Variants in GALNT14 observed in about 807,000 individuals in gnomAD.
GALNT14 encodes polypeptide N-acetylgalactosaminyltransferase 14.
Under a neutral mutation model 77.5 loss-of-function variants are expected in GALNT14, and 60 were observed. That is an observed-to-expected ratio of 0.77 (90% CI 0.63 to 0.96). The LOEUF (loss-of-function observed/expected upper bound fraction) is 0.96, where lower values mean the gene tolerates loss of function less well. Among genes scored for constraint, GALNT14 ranks in the 40% least tolerant of loss-of-function variants. The probability of loss-of-function intolerance (pLI) is 0.00; values close to 1 mark genes in which losing one functional copy is unlikely to be tolerated. For missense variants in GALNT14, 710 were observed against 731.0 expected, an observed-to-expected ratio of 0.97 and a Z score of 0.33; for synonymous variants, 280 against 281.7, an observed-to-expected ratio of 0.99 and a Z score of 0.06.
intron 1 of GALNT14, chr2:31,078,883 AG>A (rs1371843509): frequency 3.1e-6 from 4 of 1,285,590 alleles, no homozygotes; most frequent in Non-Finnish European, 4.1e-6. Context: ...AGGGCAAAGC[AG>A]GGTTTGGGGA....
chr2:31,000,727 G>A (rs4952022), intron 1 of GALNT14, among the ~76,000 whole-genome samples: 44,700 of 151,982 alleles, frequency 0.29, 6,849 homozygotes, highest in Admixed American at 0.37. Flanking sequence ...CCTGCTTTAC[G>A]CAAAGTCTGC....
chr2:31,035,569 ATG>A (rs1168590695), intron 1 of GALNT14, among the ~76,000 whole-genome samples: 25 of 128,184 alleles, frequency 2.0e-4, no homozygotes, highest in South Asian at 1.0e-3. Flanking sequence ...GTGTGTGTGT[ATG>A]TGTGTGTGTG....
chr2:31,018,556 C>A (rs1375086839), intron 1 of GALNT14, among the ~76,000 whole-genome samples: 1 of 152,208 alleles, frequency 6.6e-6, no homozygotes, highest in Admixed American at 6.5e-5. Flanking sequence ...CCCATCAGGT[C>A]TCTCCCTTGA....
intron 1 of GALNT14, among the ~76,000 whole-genome samples, chr2:31,011,877 G>T (rs972853924): frequency 6.6e-6 from 1 of 152,152 alleles, no homozygotes; most frequent in African/African-American, 2.4e-5. Flanking sequence ...TGGACGTGCC[G>T]CCTGGCTCTG....
intron 2 of GALNT14, among the ~76,000 whole-genome samples, chr2:30,980,352 G>A (rs929189650): frequency 1.3e-5 from 2 of 152,224 alleles, no homozygotes; most frequent in African/African-American, 4.8e-5. Context: ...ACTGTTGCTG[G>A]TCCTGATGCC....
At chr2:30,956,078 C>T in intron 4 of GALNT14, 101 bp from the exon 5 acceptor site, 1 of 1,135,454 alleles carries the variant, frequency 8.8e-7, no homozygotes, top group Non-Finnish European at 1.3e-6. Context: ...GTGAGGCAGC[C>T]CTGTCCACTG....
intron 1 of GALNT14, among the ~76,000 whole-genome samples, chr2:31,092,201 C>G (rs758346087): frequency 1.6e-4 from 24 of 152,002 alleles, no homozygotes; most frequent in Non-Finnish European, 3.1e-4. Context: ...AGCTTGCAGA[C>G]AGTCTATTGT....
intron 12 of GALNT14, 75 bp from the exon 13 acceptor site, chr2:30,924,338 G>C (rs1665223329): frequency 6.6e-7 from 1 of 1,513,632 alleles, no homozygotes. Context: ...GGAGAGGGTG[G>C]GCAGTGTTCT....
intron 6 of GALNT14, among the ~76,000 whole-genome samples, chr2:30,952,588 T>C (rs1430540531): frequency 5.5e-5 from 7 of 126,336 alleles, no homozygotes; most frequent in East Asian, 2.5e-4. Flanking sequence ...GGAAGGGGAA[T>C]ATCACACTCT....
At chr2:30,906,048 G>T (rs1664134260), downstream of GALNT14, among the ~76,000 whole-genome samples, 1 of 150,362 alleles carries the variant, frequency 6.7e-6, no homozygotes, top group Non-Finnish European at 1.5e-5. Context: ...CCCTAAAAGA[G>T]CTCCTGAAGG....
At chr2:30,966,144 G>T in intron 3 of GALNT14, 60 bp downstream of exon 3, 2 of 1,353,036 alleles carry the variant, frequency 1.5e-6, no homozygotes, top group South Asian at 1.2e-5. Flanking sequence ...CTGGGGAGCA[G>T]ACACACTGTC....
chr2:30,936,397 T>G (rs1315151790), intron 9 of GALNT14, among the ~76,000 whole-genome samples: 1 of 152,178 alleles, frequency 6.6e-6, no homozygotes, highest in Non-Finnish European at 1.5e-5. Flanking sequence ...TAATTTCATT[T>G]TATAGCCTGG....
At chr2:31,060,120 A>G (rs1674496845) in intron 1 of GALNT14, among the ~76,000 whole-genome samples, 1 of 152,182 alleles carries the variant, frequency 6.6e-6, no homozygotes, top group African/African-American at 2.4e-5. Context: ...AGGTGAAGAG[A>G]CCAAAGGCAG....
rs936286484 is a variant in GALNT14 at position 30,950,918 on chromosome 2, C to A, written c.654+4700G>T. 2.6e-5 allele frequency among the ~76,000 whole-genome samples: 4 copies of A among 152,170 alleles called. No homozygotes were observed. In the East Asian group the frequency reaches 5.8e-4, roughly 22 times the overall value. Reference sequence around the variant, plus strand: ...GGTTTCTGAGATGAACTTGGGACCACTGGGATGGAAAGGGCTTCAGAGGTT... The same window carrying A: ...GGTTTCTGAGATGAACTTGGGACCAATGGGATGGAAAGGGCTTCAGAGGTT... On this transcript the variant is annotated intron_variant, in intron 6 of 14. Coordinates refer to ENST00000349752, the MANE Select transcript of GALNT14 (RefSeq NM_024572.4).
intron 1 of GALNT14, among the ~76,000 whole-genome samples, chr2:31,116,196 G>C (rs776785884): frequency 1.3e-4 from 20 of 151,962 alleles, no homozygotes; most frequent in Non-Finnish European, 2.8e-4. Flanking sequence ...AAATTAAAAA[G>C]GGAAAGAGAA....
intron 1 of GALNT14, among the ~76,000 whole-genome samples, chr2:31,118,223 G>A (rs540413444): frequency 6.6e-6 from 1 of 152,030 alleles, no homozygotes; most frequent in South Asian, 2.1e-4. Flanking sequence ...AGAATAAATC[G>A]GCGAAAGTTA....
At chr2:31,044,694 G>A (rs1294968880) in intron 1 of GALNT14, among the ~76,000 whole-genome samples, 1 of 152,072 alleles carries the variant, frequency 6.6e-6, no homozygotes, top group Non-Finnish European at 1.5e-5. Flanking sequence ...GAGGTGGGTG[G>A]TTTGCTTGAG....
chr2:31,068,840 C>T (rs1020024530), intron 1 of GALNT14, among the ~76,000 whole-genome samples: 21 of 152,170 alleles, frequency 1.4e-4, no homozygotes, highest in African/African-American at 3.9e-4. Context: ...AGTACTGGCA[C>T]GTGCTACAGC....
chr2:31,046,210 A>C (rs1409314679), intron 1 of GALNT14, among the ~76,000 whole-genome samples: 1 of 149,600 alleles, frequency 6.7e-6, no homozygotes, highest in African/African-American at 2.5e-5. Flanking sequence ...AAGTTGGCTG[A>C]CTCTGGAACC....
Sources: allele counts gnomAD v4.1 joint callset (sites outside exome capture counted in the v4.1 genomes callset), GRCh38; gene constraint gnomAD v4.1.1; transcripts MANE v1.5; gene names NCBI Gene and HGNC (gene_info 2026-07-23, HGNC 2026-07-21).